PSG8: variants seen among roughly 807,000 people sequenced by gnomAD.
The protein encoded by PSG8 is pregnancy specific beta-1-glycoprotein 8, also known as pregnancy-specific beta-1-glycoprotein 8.
PSG8 carries 57 observed loss-of-function variants against 42.5 expected under a neutral mutation model. The observed-to-expected ratio is 1.34, with a 90% CI of 1.08 to 1.67. PSG8 has a LOEUF of 1.67. Ranked by LOEUF, PSG8 falls within the 40% of genes most tolerant of loss-of-function variation. PSG8 has a pLI of 0.00. For synonymous variants in PSG8, 280 were observed against 196.8 expected (o/e 1.42, Z -3.54); for missense variants, 783 against 518.6 (o/e 1.51, Z -4.95).
chr19:42,753,277 A>G (rs1969825878), downstream of PSG8: 1 of 779,316 alleles, frequency 1.3e-6, no homozygotes, highest in Non-Finnish European at 2.4e-6. Context: ...GTCCACCTCC[A>G]GCTTATAGGG....
chr19:42,753,231 G>A (rs1285149273), downstream of PSG8: 2 of 776,160 alleles, frequency 2.6e-6, no homozygotes, highest in South Asian at 1.3e-5. Context: ...TCACCCTTCA[G>A]GTACAAGGGT....
At chr19:42,752,845 T>A (rs193036086), downstream of PSG8, 1 of 198,442 alleles carries the variant, frequency 5.0e-6, no homozygotes, top group Non-Finnish European at 1.0e-5. Context: ...ATAGAAACCA[T>A]CTTATCTGCA....
Position 42,764,145 on chromosome 19 carries a change from C to G in PSG8, c.201G>C (p.Trp67Cys). 1 of 1,613,784 alleles carries G rather than the reference C, an allele frequency of 6.2e-7. No homozygotes were observed. Among genetic ancestry groups the G allele is most frequent in the Non-Finnish European group, 8.5e-7 (1 of 1,179,872 alleles). ...AGAGGTCCCTGATTTGCCCTTTGTA[C>G]CAGATGTAGCCAGTAAGATTCTGGG... ...NLPQNLTGYIWYKGQIRDLYH... is the reference protein window; with the variant it reads ...NLPQNLTGYICYKGQIRDLYH... The change falls in exon 2 of 5, where the codon TGG (tryptophan) becomes TGC (cysteine). Residue 67 changes from tryptophan to cysteine, a missense_variant. Coordinates refer to ENST00000306511, the MANE Select transcript of PSG8 (RefSeq NM_182707.3).
intron 2 of PSG8, among the ~76,000 whole-genome samples, chr19:42,760,070 A>C (rs1310718461): frequency 6.6e-6 from 1 of 152,206 alleles, no homozygotes; most frequent in Admixed American, 6.5e-5. Context: ...GTGCAGAGTT[A>C]GGAAAAATGG....
At position 42,754,412 on chromosome 19, in the gene PSG8, A is replaced by G. The variant is rs761836748; in HGVS notation, c.1164T>C (p.His388=). The G allele has an allele frequency of 1.2e-6, 2 of 1,613,858 alleles. No homozygotes were observed. The highest frequency in any genetic ancestry group is 2.2e-5 in the East Asian group (1 of 44,878). The change falls in exon 5 of 5, where the codon CAT becomes CAC. Residue 388 remains histidine, a synonymous_variant. Coordinates refer to ENST00000306511, the MANE Select transcript of PSG8 (RefSeq NM_182707.3). ...GAACAGAGCAAGCATAGAGCCCGCT[A>G]TGCTTTGTAGTAATTTGGGGGATAA... ...KLFIPQITTK[H]SGLYACSVRN... is the part of the protein sequence containing the mutation.
downstream of PSG8, chr19:42,754,106 A>AT (rs1158642986): frequency 3.4e-5 from 41 of 1,200,124 alleles, no homozygotes; most frequent in East Asian, 1.0e-3. Context: ...ATTGAAATCA[A>AT]TGTTTTTCCT....
Position 42,764,296 on chromosome 19 carries a change from G to C in PSG8, c.65-15C>G, listed in dbSNP as rs750929309. The C allele has an allele frequency of 1.9e-6, 3 of 1,608,540 alleles. No homozygotes were observed. Among genetic ancestry groups the C allele is most frequent in the South Asian group, 2.2e-5 (2 of 90,228 alleles). On this transcript the variant is annotated splice_polypyrimidine_tract_variant and intron_variant, in intron 1 of 4. Transcript: ENST00000306511. ...TAAAAGTGATGCTAGGAGGTGGAGA[G>C]AGCATCAGTCAATATTGAGAGCTAT...
intron 2 of PSG8, among the ~76,000 whole-genome samples, chr19:42,761,819 AATTT>A (rs1568379237): frequency 2.0e-4 from 21 of 102,992 alleles, no homozygotes; most frequent in African/African-American, 7.5e-4. Context: ...ACATTTCAAT[AATTT>A]TTTTTTTTTT....
downstream of PSG8, chr19:42,754,201 G>C: frequency 6.4e-7 from 1 of 1,563,230 alleles, no homozygotes. Context: ...GGAGGGTTTA[G>C]GAGGAGAATT....
At chr19:42,765,437 AG>A (rs1304700788) in intron 1 of PSG8, 80 bp downstream of exon 1, 15 of 1,582,408 alleles carry the variant, frequency 9.5e-6, no homozygotes, top group Middle Eastern at 1.8e-4. Flanking sequence ...TTCATTTTTT[AG>A]TACCCCATAC....
At chr19:42,760,935 T>G (rs1357548992) in intron 2 of PSG8, among the ~76,000 whole-genome samples, 1 of 152,138 alleles carries the variant, frequency 6.6e-6, no homozygotes, top group Non-Finnish European at 1.5e-5. Flanking sequence ...TTTTACTTAG[T>G]GTTAGAACCG....
intron 2 of PSG8, chr19:42,758,988 A>G (rs910139690): frequency 3.3e-5 from 5 of 152,892 alleles, no homozygotes; most frequent in African/African-American, 1.2e-4. Flanking sequence ...CTTTGGACCA[A>G]GACCACGTTC....
intron 3 of PSG8, chr19:42,755,578 C>G (rs1403639946): frequency 2.0e-6 from 1 of 503,354 alleles, no homozygotes; most frequent in Non-Finnish European, 3.3e-6. Flanking sequence ...AATCAGTTGA[C>G]TGGCTGGCTC....
Position 42,765,528 on chromosome 19 carries a change from G to A in PSG8, c.54C>T (p.Leu18=), listed in dbSNP as rs369084125. The stretch of plus-strand genomic sequence containing the variant: ...AGGTTCTCTCCTCACCTGTGAGCAG[G>A]AGCCCCTTCCAGGTGATGCGCTGTG... ...PCTQRITWKG[L]LLTASLLNFW... is the part of the protein sequence containing the mutation. The change falls in exon 1 of 5, where the codon CTC becomes CTT. Residue 18 remains leucine, a synonymous_variant. Coordinates refer to ENST00000306511, the MANE Select transcript of PSG8 (RefSeq NM_182707.3). 3 of 1,611,120 alleles carry A rather than the reference G, an allele frequency of 1.9e-6. No individual in the cohort carries two copies. Among genetic ancestry groups the A allele is most frequent in the Non-Finnish European group, 2.5e-6 (3 of 1,178,100 alleles).
At chr19:42,760,703 C>T (rs1003324743) in intron 2 of PSG8, among the ~76,000 whole-genome samples, 1 of 152,100 alleles carries the variant, frequency 6.6e-6, no homozygotes, top group Non-Finnish European at 1.5e-5. Flanking sequence ...CTGCCTCAGC[C>T]TCCCAAGTAG....
rs369010869 is a variant in PSG8 at position 42,765,616 on chromosome 19, A to G, written c.-35T>C. On this transcript the variant is annotated 5_prime_UTR_variant, in exon 1 of 5. Coordinates refer to ENST00000306511, the MANE Select transcript of PSG8 (RefSeq NM_182707.3). ...TGTCTGTGTGTTCTCCTCTGTGGAG[A>G]TGAGCCTAGGATCCAGAAGCTTCCT... The G allele has an allele frequency of 5.0e-6, 8 of 1,605,130 alleles. No individual in the cohort carries two copies. The African/African-American group carries it at 5.4e-5, about 11-fold the overall frequency.
chr19:42,754,159 T>G (rs1969849043), downstream of PSG8: 4 of 1,472,644 alleles, frequency 2.7e-6, no homozygotes, highest in Non-Finnish European at 3.7e-6. Flanking sequence ...TCAGCCTGTT[T>G]GTTAAAGTTT....
intron 2 of PSG8, among the ~76,000 whole-genome samples, chr19:42,759,188 G>A (rs528209112): frequency 6.6e-6 from 1 of 152,060 alleles, no homozygotes; most frequent in Non-Finnish European, 1.5e-5. Context: ...CCAATATTTG[G>A]GAAGAAGCCT....
intron 2 of PSG8, among the ~76,000 whole-genome samples, chr19:42,760,530 C>T (rs1376125298): frequency 1.3e-5 from 2 of 152,074 alleles, no homozygotes; most frequent in Non-Finnish European, 2.9e-5. Flanking sequence ...GGATTCTTTC[C>T]TCAGCTGTGT....
Sources: allele counts gnomAD v4.1 joint callset (sites outside exome capture counted in the v4.1 genomes callset), GRCh38; gene constraint gnomAD v4.1.1; transcripts MANE v1.5; gene names NCBI Gene and HGNC (gene_info 2026-07-23, HGNC 2026-07-21).